UTRN: variants seen among roughly 807,000 people sequenced by gnomAD.
The protein encoded by UTRN is utrophin.
A neutral mutation model predicts 463.9 loss-of-function variants in UTRN; 283 were observed. The observed-to-expected ratio is 0.61, with a 90% CI of 0.55 to 0.67. UTRN has a LOEUF of 0.67. UTRN is among the 30% of genes least tolerant of loss of function. The pLI, the probability that UTRN is intolerant of heterozygous loss-of-function variation, is 0.00. For missense variants in UTRN, 3,922 were observed against 4,084.3 expected (o/e 0.96, Z 1.08); for synonymous variants, 1,442 against 1,431.5 (o/e 1.01, Z -0.17).
chr6:144,501,218 T>C (rs1465066414), intron 34 of UTRN, among the ~76,000 whole-genome samples: 1 of 152,212 alleles, frequency 6.6e-6, no homozygotes, highest in East Asian at 1.9e-4. Flanking sequence ...AAATGAGCAT[T>C]GCAAGTCATC....
chr6:144,803,888 A>G (rs1777917121), intron 65 of UTRN, among the ~76,000 whole-genome samples: 3 of 152,074 alleles, frequency 2.0e-5, no homozygotes, highest in Admixed American at 1.3e-4. Flanking sequence ...TTTATGGTCA[A>G]AATACTTGAT....
chr6:144,523,229 C>G, intron 41 of UTRN, 41 bp downstream of exon 41: 1 of 1,448,322 alleles, frequency 6.9e-7, no homozygotes, highest in Non-Finnish European at 9.2e-7. Context: ...AAAAAAATGC[C>G]TGCAAGTTCA....
intron 3 of UTRN, among the ~76,000 whole-genome samples, chr6:144,419,173 C>T (rs553437158): frequency 1.3e-5 from 2 of 152,332 alleles, no homozygotes; most frequent in Admixed American, 6.5e-5. Context: ...CAGTGGGTAG[C>T]AAGTCCTCAG....
rs76778237 is a variant in UTRN, at chr6:144,451,895, A to G, written c.2196+402A>G. Among the ~76,000 whole-genome samples, 511 of 152,306 alleles carry G rather than the reference A, an allele frequency of 3.4e-3. 20 individuals are homozygous for G. In the East Asian group the frequency reaches 0.066, roughly 20 times the overall value. ...TTTTAAATCAAAAAGTGTATTCAAT[A>G]TATTTTCTTTAGAGTTGTAAAAAAT... is the stretch of plus-strand genomic sequence containing the variant. On this transcript the variant is annotated intron_variant, in intron 18 of 74. Coordinates refer to ENST00000367545, the MANE Select transcript of UTRN (RefSeq NM_007124.3).
At chr6:144,624,293 G>A (rs961405297) in intron 51 of UTRN, among the ~76,000 whole-genome samples, 1 of 152,120 alleles carries the variant, frequency 6.6e-6, no homozygotes, top group Non-Finnish European at 1.5e-5. Flanking sequence ...TTTGAGCAAG[G>A]GAGGGCATTA....
At chr6:144,386,948 A>G (rs554679300) in intron 2 of UTRN, among the ~76,000 whole-genome samples, 39 of 152,212 alleles carry the variant, frequency 2.6e-4, no homozygotes, top group African/African-American at 7.7e-4. Context: ...AAAAAATGCT[A>G]TTTATAGTAG....
intron 23 of UTRN, among the ~76,000 whole-genome samples, chr6:144,465,430 A>G (rs1008644729): frequency 5.3e-5 from 8 of 152,224 alleles, no homozygotes; most frequent in Non-Finnish European, 1.2e-4. Context: ...ATTTATTTCC[A>G]TTAAAAATAT....
At position 144,491,109 on chromosome 6, in the gene UTRN, C is replaced by G; in HGVS notation, c.4437+7C>G. The stretch of plus-strand genomic sequence containing the variant: ...GCACCTGGACAAGTGTATGGTGAGG[C>G]TTTTGGGTGATTGGCACATCCAGTG... On this transcript the variant is annotated splice_region_variant and intron_variant, in intron 32 of 74. Transcript: ENST00000367545. The G allele has an allele frequency of 4.4e-6, 7 of 1,588,906 alleles. No individual in the cohort carries two copies. The highest frequency in any genetic ancestry group is 1.1e-5 in the South Asian group (1 of 87,574).
At chr6:144,412,917 G>A (rs1055430257) in intron 3 of UTRN, among the ~76,000 whole-genome samples, 2 of 152,102 alleles carry the variant, frequency 1.3e-5, no homozygotes, top group African/African-American at 4.8e-5. Flanking sequence ...TTTGTAAGAT[G>A]ACACTCATCA....
intron 58 of UTRN, among the ~76,000 whole-genome samples, chr6:144,769,597 G>A (rs537551518): frequency 3.3e-5 from 5 of 152,284 alleles, no homozygotes; most frequent in East Asian, 3.9e-4. Flanking sequence ...TTGTGATTCC[G>A]TAGGGGTTGT....
At chr6:144,730,242 C>T in intron 53 of UTRN, 115 bp from the exon 54 acceptor site, 1 of 1,172,144 alleles carries the variant, frequency 8.5e-7, no homozygotes, top group Non-Finnish European at 1.1e-6. Flanking sequence ...AGCTGAAATG[C>T]TTGCTATTAG....
At chr6:144,616,394 G>A (rs907232721) in intron 51 of UTRN, among the ~76,000 whole-genome samples, 4 of 152,080 alleles carry the variant, frequency 2.6e-5, no homozygotes, top group Admixed American at 2.6e-4. Context: ...ATAACTGTTA[G>A]CGAATCCTTT....
In UTRN at chr6:144,568,966, C is replaced by T. The variant is rs1467644386; in HGVS notation, c.7290-8133C>T. ...ATGGCATTAAAGGTGGTATATTCAC[C>T]TGTGTAATAAAGTATGAATACGTGT... is the stretch of plus-strand genomic sequence containing the variant. On this transcript the variant is annotated intron_variant, in intron 50 of 74. Transcript: ENST00000367545. Among the ~76,000 whole-genome samples the T allele has an allele frequency of 2.0e-5, 3 of 152,106 alleles. No homozygotes were observed. In the East Asian group the frequency reaches 5.8e-4, roughly 29 times the overall value.
chr6:144,658,550 C>G (rs934678971), intron 51 of UTRN, among the ~76,000 whole-genome samples: 3 of 151,912 alleles, frequency 2.0e-5, no homozygotes, highest in Non-Finnish European at 4.4e-5. Context: ...TTCCCCCCCC[C>G]ACTTTGGTCT....
At chr6:144,399,353 C>A (rs545146042) in intron 2 of UTRN, among the ~76,000 whole-genome samples, 1 of 152,114 alleles carries the variant, frequency 6.6e-6, no homozygotes, top group Admixed American at 6.5e-5. Flanking sequence ...ACATGTAGGG[C>A]CCACAAAAAG....
rs528894006 is a variant in UTRN at position 144,792,501 on chromosome 6, C to T, written c.8921-1333C>T. ...GGTGGAGGTTGCAGCGAGCCAAGAT[C>T]GTGCCATTGCACTCCAGCCTGGGCA... On this transcript the variant is annotated intron_variant, in intron 62 of 74. Coordinates refer to ENST00000367545, the MANE Select transcript of UTRN (RefSeq NM_007124.3). Among the ~76,000 whole-genome samples the T allele has an allele frequency of 1.2e-4, 18 of 151,688 alleles. 1 individual carries two copies. The East Asian group carries it at 1.4e-3, about 11-fold the overall frequency.
chr6:144,559,622 CGAGTGA>C, intron 50 of UTRN, among the ~76,000 whole-genome samples: 1 of 152,168 alleles, frequency 6.6e-6, no homozygotes, highest in Non-Finnish European at 1.5e-5. Context: ...TTAATGGATA[CGAGTGA>C]CCTTAGAGTT....
intron 51 of UTRN, among the ~76,000 whole-genome samples, chr6:144,590,145 G>T (rs1364673446): frequency 6.6e-6 from 1 of 152,112 alleles, no homozygotes; most frequent in East Asian, 1.9e-4. Flanking sequence ...TTTTGAGCAG[G>T]TGGCTATGTA....
intron 3 of UTRN, among the ~76,000 whole-genome samples, chr6:144,414,897 G>A (rs1784239749): frequency 6.6e-6 from 1 of 152,054 alleles, no homozygotes; most frequent in Non-Finnish European, 1.5e-5. Context: ...TATGTTTTAG[G>A]AGAGATGGGT....
Sources: gnomAD v4.1 joint callset for allele counts (sites outside exome capture counted in the v4.1 genomes callset) on GRCh38, gnomAD v4.1.1 for gene constraint, MANE v1.5 for transcripts, NCBI Gene and HGNC (gene_info 2026-07-23, HGNC 2026-07-21) for gene names.